ZNRF1: variants seen among roughly 807,000 people sequenced by gnomAD.
ZNRF1 encodes the protein zinc and ring finger 1, also known as E3 ubiquitin-protein ligase ZNRF1.
A neutral mutation model predicts 18.4 loss-of-function variants in ZNRF1; 3 were observed. The observed-to-expected ratio is 0.16, with a 90% CI of 0.07 to 0.42. The LOEUF is 0.42. ZNRF1 is among the 10% of genes least tolerant of loss of function. The pLI is 0.99. For synonymous variants in ZNRF1, 157 were observed against 144.2 expected, an observed-to-expected ratio of 1.09 and a Z score of -0.64; for missense variants, 310 against 329.8, an observed-to-expected ratio of 0.94 and a Z score of 0.47.
At chr16:75,052,400 CAAAA>C (rs201568468) in intron 1 of ZNRF1, among the ~76,000 whole-genome samples, 1 of 116,882 alleles carries the variant, frequency 8.6e-6, no homozygotes, top group Non-Finnish European at 1.8e-5. Flanking sequence ...GACCCTGTCT[CAAAA>C]AAAAAAAAAA....
At chr16:75,083,959 G>A (rs1250533374) in intron 1 of ZNRF1, among the ~76,000 whole-genome samples, 1 of 152,212 alleles carries the variant, frequency 6.6e-6, no homozygotes, top group African/African-American at 2.4e-5. Context: ...AAGCTTGCTG[G>A]CTCAGCTCGG....
chr16:75,012,707 T>C (rs908161282), intron 1 of ZNRF1, among the ~76,000 whole-genome samples: 9 of 152,222 alleles, frequency 5.9e-5, no homozygotes, highest in Non-Finnish European at 1.0e-4. Context: ...GAGTTTTAGC[T>C]GTTTTCAACT....
chr16:75,029,293 CCCA>C (rs1460927651), intron 1 of ZNRF1, among the ~76,000 whole-genome samples: 1 of 152,018 alleles, frequency 6.6e-6, no homozygotes. Context: ...ATTACAGGTG[CCCA>C]CCACCATGCC....
intron 2 of ZNRF1, among the ~76,000 whole-genome samples, chr16:75,097,575 C>T (rs937902241): frequency 6.6e-6 from 1 of 152,166 alleles, no homozygotes; most frequent in African/African-American, 2.4e-5. Flanking sequence ...CGTCTGTAAT[C>T]CCAACACTTT....
At chr16:75,005,336 T>G (rs977529611) in intron 1 of ZNRF1, among the ~76,000 whole-genome samples, 2 of 152,228 alleles carry the variant, frequency 1.3e-5, no homozygotes, top group Non-Finnish European at 2.9e-5. Context: ...TTGAATGGTG[T>G]TGTAAGAAAC....
rs1283564927 is a variant in ZNRF1 at position 74,999,114 on chromosome 16, A to G, written c.-558A>G. 1.4e-5 allele frequency: 2 copies of G among 147,894 alleles called. No individual in the cohort carries two copies. The highest frequency in any genetic ancestry group is 3.0e-5 in the Non-Finnish European group (2 of 66,442). 9.2% of individuals were successfully genotyped at this position (147,894 alleles called of 1,614,324 possible). A position where few individuals can be genotyped will look rare whatever the true frequency, so the allele number is the denominator to read the frequency against. On this transcript the variant is annotated 5_prime_UTR_variant, in exon 1 of 5. Transcript: ENST00000335325. ...GGCGGGGCCGGCGGCGGCTGAAGCG[A>G]GAGCGCGACGCGACGCGACCGCGGC...
At chr16:75,016,278 G>A (rs1326590722) in intron 1 of ZNRF1, among the ~76,000 whole-genome samples, 1 of 146,870 alleles carries the variant, frequency 6.8e-6, no homozygotes, top group Non-Finnish European at 1.5e-5. Flanking sequence ...TCACTCTGTC[G>A]CCCAGGCTGG....
intron 1 of ZNRF1, among the ~76,000 whole-genome samples, chr16:75,055,544 T>C (rs1371126564): frequency 2.0e-5 from 3 of 152,202 alleles, no homozygotes; most frequent in Admixed American, 6.5e-5. Flanking sequence ...ACTGCAGGCC[T>C]GATGACAGGC....
chr16:75,109,828 T>C lies in ZNRF1; in HGVS notation c.*2128T>C, dbSNP rs1465853877. ...TGGCACATGCACAGCAGGCTCCCCA[T>C]AGCTTTGTCACCACAAAGGGCACTG... is the stretch of plus-strand genomic sequence containing the variant. On this transcript the variant is annotated 3_prime_UTR_variant, in exon 5 of 5. Transcript: ENST00000335325. 6.6e-6 allele frequency: 1 copy of C among 152,304 alleles called. No individual in the cohort carries two copies. Among genetic ancestry groups the C allele is most frequent in the Non-Finnish European group, 1.5e-5 (1 of 68,108 alleles). 9.4% of individuals were successfully genotyped at this position (152,304 alleles called of 1,614,324 possible). A position where few individuals can be genotyped will look rare whatever the true frequency, so the allele number is the denominator to read the frequency against.
At chr16:75,025,310 C>T (rs999715704) in intron 1 of ZNRF1, among the ~76,000 whole-genome samples, 16 of 152,176 alleles carry the variant, frequency 1.1e-4, no homozygotes, top group Non-Finnish European at 1.6e-4. Context: ...CCTTGTGATC[C>T]GCCCATCTCG....
chr16:75,023,448 C>T (rs186981813), intron 1 of ZNRF1, among the ~76,000 whole-genome samples: 272 of 152,298 alleles, frequency 1.8e-3, no homozygotes, highest in Middle Eastern at 3.4e-3. Flanking sequence ...CTTTGGGAGG[C>T]CAAGGTGGAT....
At chr16:75,006,656 G>T (rs1009364847) in intron 1 of ZNRF1, among the ~76,000 whole-genome samples, 9 of 152,084 alleles carry the variant, frequency 5.9e-5, no homozygotes, top group Non-Finnish European at 8.8e-5. Flanking sequence ...GGCTGGTCTC[G>T]AACTCCTGAC....
chr16:75,036,043 C>T (rs1361279877), intron 1 of ZNRF1, among the ~76,000 whole-genome samples: 2 of 152,146 alleles, frequency 1.3e-5, no homozygotes. Flanking sequence ...AACTGCCTGA[C>T]CATCACCTGA....
At chr16:75,097,621 A>G (rs2036214389) in intron 2 of ZNRF1, among the ~76,000 whole-genome samples, 1 of 152,090 alleles carries the variant, frequency 6.6e-6, no homozygotes, top group Non-Finnish European at 1.5e-5. Flanking sequence ...GGAATTTGAA[A>G]CCAGCCTGGG....
At chr16:75,026,388 A>G (rs1259951710) in intron 1 of ZNRF1, among the ~76,000 whole-genome samples, 2 of 152,160 alleles carry the variant, frequency 1.3e-5, no homozygotes, top group African/African-American at 2.4e-5. Flanking sequence ...AGCAAGGTCA[A>G]TGTTTATAGC....
At chr16:75,029,755 C>T (rs900432238) in intron 1 of ZNRF1, among the ~76,000 whole-genome samples, 1 of 151,588 alleles carries the variant, frequency 6.6e-6, no homozygotes, top group Non-Finnish European at 1.5e-5. Flanking sequence ...GGTAACAGAG[C>T]GAGACTCCAT....
intron 1 of ZNRF1, among the ~76,000 whole-genome samples, chr16:75,093,083 C>A (rs1224346752): frequency 6.6e-6 from 1 of 152,108 alleles, no homozygotes. Context: ...CAGTCAAAGG[C>A]TGCAATAAAA....
rs572794189 is a variant in ZNRF1 at position 75,045,016 on chromosome 16, CT to C, written c.424+44922del. On this transcript the variant is annotated intron_variant, in intron 1 of 4. Coordinates refer to ENST00000335325, the MANE Select transcript of ZNRF1 (RefSeq NM_032268.5). ...ATAATTATTGTGTTAGCTGCTGCCC[CT>C]GTCCTTTTTCTGTAATGTGGGAAAC... Among the ~76,000 whole-genome samples the C allele has an allele frequency of 4.4e-3, 672 of 152,292 alleles. 3 individuals carry two copies. The highest frequency in any genetic ancestry group is 0.014 in the Middle Eastern group (4 of 294).
chr16:75,004,335 G>C (rs1320335121), intron 1 of ZNRF1, among the ~76,000 whole-genome samples: 1 of 152,068 alleles, frequency 6.6e-6, no homozygotes, highest in African/African-American at 2.4e-5. Context: ...TGGCTGCCTC[G>C]GTGCTATTCT....
Sources: gnomAD v4.1 joint callset for allele counts (sites outside exome capture counted in the v4.1 genomes callset) on GRCh38, gnomAD v4.1.1 for gene constraint, MANE v1.5 for transcripts, NCBI Gene and HGNC (gene_info 2026-07-23, HGNC 2026-07-21) for gene names.